The following CACNA1D variants were observed in gnomAD, a reference collection of about 807,000 sequenced individuals.
CACNA1D encodes the protein calcium voltage-gated channel subunit alpha1 D, also known as voltage-dependent L-type calcium channel subunit alpha-1D.
CACNA1D carries 55 observed loss-of-function variants against 257.1 expected under a neutral mutation model. That is an observed-to-expected ratio of 0.21 (90% CI 0.17 to 0.27). The LOEUF (loss-of-function observed/expected upper bound fraction) is 0.27. Among genes scored for constraint, CACNA1D ranks in the 10% least tolerant of loss-of-function variants. The pLI, the probability that CACNA1D is intolerant of heterozygous loss-of-function variation, is 1.00. For synonymous variants in CACNA1D, 980 were observed against 1,014.9 expected (o/e 0.97, Z 0.65); for missense variants, 1,876 against 2,784.0 (o/e 0.67, Z 7.34).
chr3:53,646,123 G>A (rs1365660957), intron 3 of CACNA1D, among the ~76,000 whole-genome samples: 1 of 152,208 alleles, frequency 6.6e-6, no homozygotes, highest in Non-Finnish European at 1.5e-5. Flanking sequence ...GTGGGAAGGT[G>A]GCTGGCATGT....
intron 45 of CACNA1D, among the ~76,000 whole-genome samples, chr3:53,806,251 C>T (rs918391943): frequency 6.9e-6 from 1 of 144,984 alleles, no homozygotes; most frequent in Non-Finnish European, 1.5e-5. Flanking sequence ...CCTCCTCCTC[C>T]CTCACTTTCT....
chr3:53,496,807 CA>C (rs1271517140), intron 1 of CACNA1D, among the ~76,000 whole-genome samples: 1 of 152,008 alleles, frequency 6.6e-6, no homozygotes, highest in Non-Finnish European at 1.5e-5. Flanking sequence ...ATGGGTTTTA[CA>C]AATCAGAGAT....
intron 3 of CACNA1D, among the ~76,000 whole-genome samples, chr3:53,639,361 A>G (rs2093922288): frequency 6.6e-6 from 1 of 151,846 alleles, no homozygotes; most frequent in Non-Finnish European, 1.5e-5. Context: ...TGACTGAGCA[A>G]CAGGGAAATG....
chr3:53,725,214 C>T (rs904878632), intron 14 of CACNA1D, among the ~76,000 whole-genome samples: 3 of 152,174 alleles, frequency 2.0e-5, no homozygotes, highest in Non-Finnish European at 2.9e-5. Context: ...GCTCACTGTA[C>T]GTGCTGTTTT....
At chr3:53,700,639 AG>A (rs1417591129) in intron 8 of CACNA1D, among the ~76,000 whole-genome samples, 1 of 152,162 alleles carries the variant, frequency 6.6e-6, no homozygotes, top group Non-Finnish European at 1.5e-5. Context: ...TTGAGACAGC[AG>A]GTGTTCTTTG....
intron 3 of CACNA1D, among the ~76,000 whole-genome samples, chr3:53,568,321 A>G (rs746584983): frequency 6.6e-6 from 1 of 152,214 alleles, no homozygotes; most frequent in Non-Finnish European, 1.5e-5. Flanking sequence ...CATTGATGCT[A>G]CATTCAGGAC....
chr3:53,755,668 C>G lies in CACNA1D; in HGVS notation c.3786+1986C>G, dbSNP rs564224538. ...GGGAGAACTTTTAAGACAGTAGCAGCAGCATCTCCACACTTGAAGAGCACT... is the reference window on the plus strand; with the variant it reads ...GGGAGAACTTTTAAGACAGTAGCAGGAGCATCTCCACACTTGAAGAGCACT... On this transcript the variant is annotated intron_variant, in intron 29 of 47. Transcript: ENST00000350061. Among the ~76,000 whole-genome samples the G allele has an allele frequency of 4.6e-5, 7 of 152,226 alleles. No individual in the cohort carries two copies. The East Asian group carries it at 1.3e-3, about 29-fold the overall frequency.
intron 11 of CACNA1D, among the ~76,000 whole-genome samples, 187 bp downstream of exon 11, chr3:53,719,968 A>T (rs1351801713): frequency 6.6e-6 from 1 of 152,134 alleles, no homozygotes; most frequent in African/African-American, 2.4e-5. Flanking sequence ...GGTGCCAAAG[A>T]TCTCCCTCAA....
At chr3:53,543,121 A>AAAAT (rs752946981) in intron 3 of CACNA1D, among the ~76,000 whole-genome samples, 5,110 of 149,310 alleles carry the variant, frequency 0.034, 285 homozygotes, top group South Asian at 0.15. Context: ...GCAGCAGTAA[A>AAAAT]AAATAAATAA....
chr3:53,610,334 A>G (rs2093567855), intron 3 of CACNA1D, among the ~76,000 whole-genome samples: 1 of 152,202 alleles, frequency 6.6e-6, no homozygotes, highest in Non-Finnish European at 1.5e-5. Context: ...TGAGAGAGGA[A>G]TGTTGAAGTT....
intron 3 of CACNA1D, among the ~76,000 whole-genome samples, chr3:53,519,340 C>CA: frequency 6.6e-6 from 1 of 152,234 alleles, no homozygotes; most frequent in African/African-American, 2.4e-5. Context: ...TTGCCTGTTT[C>CA]AAAAACGCAT....
At chr3:53,540,679 TG>T (rs1376819829) in intron 3 of CACNA1D, among the ~76,000 whole-genome samples, 4 of 152,220 alleles carry the variant, frequency 2.6e-5, no homozygotes, top group South Asian at 2.1e-4. Context: ...AATTTTATTC[TG>T]GAGCTCTTTC....
intron 3 of CACNA1D, among the ~76,000 whole-genome samples, chr3:53,502,406 C>T (rs770304683): frequency 1.3e-5 from 2 of 151,860 alleles, no homozygotes; most frequent in Non-Finnish European, 2.9e-5. Flanking sequence ...AGTTAAAAAA[C>T]AGGTTTCCTT....
At chr3:53,602,723 A>G (rs1348413052) in intron 3 of CACNA1D, among the ~76,000 whole-genome samples, 1 of 152,200 alleles carries the variant, frequency 6.6e-6, no homozygotes. Flanking sequence ...GCATTTCTTC[A>G]TATAACCTGT....
chr3:53,731,103 A>G lies in CACNA1D; in HGVS notation c.2363A>G (p.Asn788Ser), dbSNP rs765063366. The stretch of plus-strand genomic sequence containing the variant: ...AAAGAGAGCCTAGAAAATAAAAAGA[A>G]CAACAAACCAGAAGTCAACCAGATA... ...ARKESLENKK[N>S]NKPEVNQIAN... The change falls in exon 17 of 48, where the codon AAC (asparagine) becomes AGC (serine). Residue 788 changes from asparagine (N) to serine (S), a missense_variant. Around this residue, in one of 10 missense-constraint regions of CACNA1D, gnomAD observed 78 missense variants for 69.2 expected, o/e 1.13. Transcript: ENST00000350061. The G allele has an allele frequency of 6.2e-7, 1 of 1,610,970 alleles. No homozygotes were observed. Among genetic ancestry groups the G allele is most frequent in the South Asian group, 1.1e-5 (1 of 91,010 alleles).
intron 30 of CACNA1D, among the ~76,000 whole-genome samples, chr3:53,767,322 T>A (rs1298131910): frequency 6.6e-6 from 1 of 152,112 alleles, no homozygotes; most frequent in Non-Finnish European, 1.5e-5. Context: ...CCCAGCACTT[T>A]GGGAGGCCGA....
chr3:53,722,318 C>T lies in CACNA1D; in HGVS notation c.1510C>T (p.Arg504Cys), dbSNP rs143078083. Reference protein sequence around the residue: ...QAISKSKLSRRWRRWNRFNRR... With the variant: ...QAISKSKLSRCWRRWNRFNRR... ...TAATGTTTGCTTGTCTTTTAGCCGACGCTGGCGTCGCTGGAACCGATTCAA... is the reference window on the plus strand; with the variant it reads ...TAATGTTTGCTTGTCTTTTAGCCGATGCTGGCGTCGCTGGAACCGATTCAA... Residue 504 changes from arginine to cysteine, a missense_variant, in exon 12 of 48, where the codon CGC (arginine) becomes TGC (cysteine). Physicochemically the swap from Arg to Cys is radical, Grantham distance 180. Transcript: ENST00000350061. 7.4e-6 allele frequency: 12 copies of T among 1,614,022 alleles called. No individual in the cohort carries two copies. The African/African-American group carries it at 1.1e-4, about 14-fold the overall frequency.
At chr3:53,710,328 C>T in intron 9 of CACNA1D, 1 of 443,402 alleles carries the variant, frequency 2.3e-6, no homozygotes. Context: ...CCGCGTGGGG[C>T]CCTGGTTTGG....
Position 53,538,141 on chromosome 3 carries a change from G to GTTTTTTT in CACNA1D, c.483+36441_483+36447dup, listed in dbSNP as rs538996336. On this transcript the variant is annotated intron_variant, in intron 3 of 47. Coordinates refer to ENST00000350061, the MANE Select transcript of CACNA1D (RefSeq NM_001128840.3). ...TTCTCCATATTTACCAGTTTTTGAA[G>GTTTTTTT]TTTTTTTTTTTTTTTTTTTTTTTTT... Among the ~76,000 whole-genome samples, 142 of 90,466 alleles carry GTTTTTTT rather than the reference G, an allele frequency of 1.6e-3. 15 individuals are homozygous for GTTTTTTT. Among genetic ancestry groups the GTTTTTTT allele is most frequent in the African/African-American group, 8.0e-3 (134 of 16,672 alleles). The allele number at this position is 90,466 out of a possible 152,430, so 59.3% of individuals were successfully genotyped here.
Sources: allele counts gnomAD v4.1 joint callset (sites outside exome capture counted in the v4.1 genomes callset), GRCh38; gene constraint gnomAD v4.1.1; regional missense constraint gnomAD v4.1.1; transcripts MANE v1.5; gene names NCBI Gene and HGNC (gene_info 2026-07-23, HGNC 2026-07-21).